Variants in ZNF460 observed in about 807,000 individuals in gnomAD.
The protein encoded by ZNF460 is zinc finger protein 272.
ZNF460 carries 1 observed loss-of-function variant against 8.4 expected under a neutral mutation model. That is an observed-to-expected ratio of 0.12 (90% CI 0.04 to 0.56). The LOEUF (loss-of-function observed/expected upper bound fraction) is 0.56. Among genes scored for constraint, ZNF460 ranks in the 20% least tolerant of loss-of-function variants. The pLI is 0.91. For synonymous variants in ZNF460, 262 were observed against 259.9 expected (o/e 1.01, Z -0.08); for missense variants, 477 against 714.8 (o/e 0.67, Z 3.79).
chr19:57,287,109 A>G (rs920055965), intron 2 of ZNF460, among the ~76,000 whole-genome samples: 8 of 152,182 alleles, frequency 5.3e-5, no homozygotes, highest in Non-Finnish European at 1.2e-4. Flanking sequence ...CTATTAGCTC[A>G]TATTTAGACT....
In ZNF460 at chr19:57,293,528, G is replaced by T. The variant is rs1279403399; in HGVS notation, c.*1298G>T. 6.6e-6 allele frequency: 1 copy of T among 151,954 alleles called. No individual in the cohort carries two copies. The highest frequency in any genetic ancestry group is 1.9e-4 in the East Asian group (1 of 5,204). 9.4% of individuals were successfully genotyped at this position (151,954 alleles called of 1,614,324 possible). ...TAATTGACAATGTTTATGGGGTTTG[G>T]TGTGATATTTCAATACATGTGTGCT... On this transcript the variant is annotated 3_prime_UTR_variant, in exon 3 of 3. Transcript: ENST00000360338.
intron 1 of ZNF460, among the ~76,000 whole-genome samples, chr19:57,282,535 CT>C (rs760798617): frequency 6.6e-6 from 1 of 152,214 alleles, no homozygotes; most frequent in Non-Finnish European, 1.5e-5. Context: ...ATGATGATGA[CT>C]ACACTTCTCT....
Position 57,291,424 on chromosome 19 carries a change from TTTGTC to T in ZNF460, c.887_891del (p.Val296AlafsTer2). 6.2e-7 allele frequency: 1 copy of T among 1,613,880 alleles called. No individual in the cohort carries two copies. Among genetic ancestry groups the T allele is most frequent in the Non-Finnish European group, 8.5e-7 (1 of 1,179,900 alleles). On this transcript the variant is annotated frameshift_variant, in exon 3 of 3. Coordinates refer to ENST00000360338, the MANE Select transcript of ZNF460 (RefSeq NM_006635.4). LOFTEE classifies it low-confidence loss of function (END_TRUNC). The surrounding 1 kb of genome is among the most constrained non-coding windows in gnomAD (Gnocchi z 8.4). ...AAAGGCCTTTACCTACCGCTCCAAT[TTTGTC>T]TTGCATAACAAGAGCCACAATGAGA... is the stretch of plus-strand genomic sequence containing the variant.
At chr19:57,284,188 G>A (rs1025948164) in intron 1 of ZNF460, among the ~76,000 whole-genome samples, 2 of 149,268 alleles carry the variant, frequency 1.3e-5, no homozygotes, top group African/African-American at 2.5e-5. Context: ...TCCTGCCTAG[G>A]AGGCTTTATT....
upstream of ZNF460, chr19:57,280,400 A>T (rs913619758): frequency 4.3e-5 from 10 of 234,172 alleles, no homozygotes; most frequent in Admixed American, 5.2e-4. Context: ...GACCCAGGAC[A>T]GGAGAGTTTT....
chr19:57,292,216 A>G lies in ZNF460; in HGVS notation c.1675A>G (p.Thr559Ala), dbSNP rs79856560. The G allele has an allele frequency of 5.8e-4, 940 of 1,610,836 alleles. 9 individuals carry two copies. In the African/African-American group the frequency reaches 0.011, roughly 19 times the overall value. ...CATCAACGGATTCATAGTGGAAGAA[A>G]CCCTACCATTGTAACAGATGTGGAA... ...LDINGFIVEE[T>A]LPL The change falls in exon 3 of 3, where the codon ACC becomes GCC. Residue 559 changes from threonine (T) to alanine (A), a missense_variant. Around this residue, in one of 5 missense-constraint regions of ZNF460, gnomAD observed 83 missense variants for 82.3 expected, o/e 1.01. Coordinates refer to ENST00000360338, the MANE Select transcript of ZNF460 (RefSeq NM_006635.4).
At position 57,291,294 on chromosome 19, in the gene ZNF460, C is replaced by G; in HGVS notation, c.753C>G (p.Pro251=). 1 of 1,613,782 alleles carries G rather than the reference C, an allele frequency of 6.2e-7. No homozygotes were observed. Among genetic ancestry groups the G allele is most frequent in the Non-Finnish European group, 8.5e-7 (1 of 1,179,954 alleles). The change falls in exon 3 of 3, where the codon CCC becomes CCG. Residue 251 remains proline (P), a synonymous_variant. Coordinates refer to ENST00000360338, the MANE Select transcript of ZNF460 (RefSeq NM_006635.4). This position sits in a 1 kb window ranked among gnomAD's most constrained non-coding sequence, Gnocchi z 8.4. Reference sequence around the variant, plus strand: ...AGCGGACTCACAATGGAGATAAGCCCTTTGTGTGCAGTGAATGTGGAAGGA... The same window carrying G: ...AGCGGACTCACAATGGAGATAAGCCGTTTGTGTGCAGTGAATGTGGAAGGA... ...RHQRTHNGDK[P]FVCSECGRTF...
rs763416091 is a variant in ZNF460, at chr19:57,291,116, G to T, written c.575G>T (p.Arg192Leu). The stretch of plus-strand genomic sequence containing the variant: ...GTTCAGCATGAGCAGATTCTCCCTC[G>T]TGTGAAGCCCTATGATTGCCCAGAA... ...FLVQHEQILP[R>L]VKPYDCPECG... Residue 192 changes from arginine (R) to leucine (L), a missense_variant, in exon 3 of 3, where the codon CGT becomes CTT. This residue lies in a region of ZNF460 where 169 missense variants were observed against 178.6 expected (regional missense o/e 0.95). Coordinates refer to ENST00000360338, the MANE Select transcript of ZNF460 (RefSeq NM_006635.4). This position sits in a 1 kb window ranked among gnomAD's most constrained non-coding sequence, Gnocchi z 8.4. 3 of 1,614,018 alleles carry T rather than the reference G, an allele frequency of 1.9e-6. No homozygotes were observed. The highest frequency in any genetic ancestry group is 1.3e-5 in the African/African-American group (1 of 74,904).
chr19:57,293,496 T>C lies in ZNF460; in HGVS notation c.*1266T>C, dbSNP rs1250296068. The C allele has an allele frequency of 1.3e-5, 2 of 152,232 alleles. No individual in the cohort carries two copies. The highest frequency in any genetic ancestry group is 1.9e-4 in the East Asian group (1 of 5,202). 9.4% of individuals were successfully genotyped at this position (152,232 alleles called of 1,614,324 possible). A position where few individuals can be genotyped will look rare whatever the true frequency, so the allele number is the denominator to read the frequency against. ...TTTGGTATTCTTTTTGTTTCTTTTA[T>C]TGTTTTTAATTGACAATGTTTATGG... On this transcript the variant is annotated 3_prime_UTR_variant, in exon 3 of 3. Coordinates refer to ENST00000360338, the MANE Select transcript of ZNF460 (RefSeq NM_006635.4).
At position 57,280,551 on chromosome 19, in the gene ZNF460, A is replaced by G. The variant is rs2087829517; in HGVS notation, c.-256A>G. The G allele has an allele frequency of 3.5e-6, 2 of 563,692 alleles. No individual in the cohort carries two copies. Among genetic ancestry groups the G allele is most frequent in the Non-Finnish European group, 3.2e-6 (1 of 315,454 alleles). 34.9% of individuals were successfully genotyped at this position (563,692 alleles called of 1,614,324 possible). A position where few individuals can be genotyped will look rare whatever the true frequency, so the allele number is the denominator to read the frequency against. On this transcript the variant is annotated 5_prime_UTR_variant, in exon 1 of 3. Transcript: ENST00000360338. Reference sequence around the variant, plus strand: ...CGGCCTGAGCAGGGACGGGTAGTGAAGCGGTTACGCCCCTTCTTCGCGTCT... The same window carrying G: ...CGGCCTGAGCAGGGACGGGTAGTGAGGCGGTTACGCCCCTTCTTCGCGTCT...
At chr19:57,284,813 ATT>A (rs755694218) in intron 2 of ZNF460, 136 bp downstream of exon 2, 15,119 of 621,528 alleles carry the variant, frequency 0.024, no homozygotes, top group East Asian at 0.039. Context: ...GCTTTACTCT[ATT>A]TTTTTTTTTT....
chr19:57,281,088 T>G (rs2087835378), intron 1 of ZNF460, among the ~76,000 whole-genome samples: 1 of 152,130 alleles, frequency 6.6e-6, no homozygotes, highest in Non-Finnish European at 1.5e-5. Context: ...AATCCAACCT[T>G]CTCTGTTGCC....
In ZNF460 at chr19:57,286,186, G is replaced by A. The variant is rs990789555; in HGVS notation, c.157+1509G>A. 7.2e-5 allele frequency among the ~76,000 whole-genome samples: 11 copies of A among 152,292 alleles called. No homozygotes were observed. In the East Asian group the frequency reaches 1.3e-3, roughly 19 times the overall value. ...AATGTTTGTGGCAACCCTGAATTGA[G>A]CAAGTCTGTCCCGCACCATTTTTCC... On this transcript the variant is annotated intron_variant, in intron 2 of 2. Coordinates refer to ENST00000360338, the MANE Select transcript of ZNF460 (RefSeq NM_006635.4).
Position 57,291,438 on chromosome 19 carries a change from CAA to C in ZNF460, c.898_899del (p.Lys300GlufsTer4). The C allele has an allele frequency of 1.2e-6, 2 of 1,613,770 alleles. No individual in the cohort carries two copies. The highest frequency in any genetic ancestry group is 1.7e-6 in the Non-Finnish European group (2 of 1,179,912). On this transcript the variant is annotated frameshift_variant, in exon 3 of 3. Coordinates refer to ENST00000360338, the MANE Select transcript of ZNF460 (RefSeq NM_006635.4). LOFTEE classifies it low-confidence loss of function (END_TRUNC). The surrounding 1 kb of genome is among the most constrained non-coding windows in gnomAD (Gnocchi z 8.4). ...TYRSNFVLHN[K>X]SHNEKKPFAC... is the part of the protein sequence containing the mutation. The stretch of plus-strand genomic sequence containing the variant: ...ACCGCTCCAATTTTGTCTTGCATAA[CAA>C]GAGCCACAATGAGAAGAAACCCTTC...
Position 57,292,209 on chromosome 19 carries a change from G to A in ZNF460, c.1668G>A (p.Val556=), listed in dbSNP as rs202181330. The part of the protein sequence containing the change: ...SSSLDINGFI[V]EETLPL ...CACTCGACATCAACGGATTCATAGT[G>A]GAAGAAACCCTACCATTGTAACAGA... The change falls in exon 3 of 3, where the codon GTG becomes GTA. Residue 556 remains valine, a synonymous_variant. Coordinates refer to ENST00000360338, the MANE Select transcript of ZNF460 (RefSeq NM_006635.4). 1.2e-6 allele frequency: 2 copies of A among 1,611,994 alleles called. No individual in the cohort carries two copies. Among genetic ancestry groups the A allele is most frequent in the Non-Finnish European group, 1.7e-6 (2 of 1,178,340 alleles).
At position 57,293,759 on chromosome 19, in the gene ZNF460, C is replaced by A. The variant is rs191240759; in HGVS notation, c.*1529C>A. 6 of 152,180 alleles carry A rather than the reference C, an allele frequency of 3.9e-5. No homozygotes were observed. Among genetic ancestry groups the A allele is most frequent in the Non-Finnish European group, 8.8e-5 (6 of 68,020 alleles). 9.4% of individuals were successfully genotyped at this position (152,180 alleles called of 1,614,324 possible). A position where few individuals can be genotyped will look rare whatever the true frequency, so the allele number is the denominator to read the frequency against. On this transcript the variant is annotated 3_prime_UTR_variant, in exon 3 of 3. Coordinates refer to ENST00000360338, the MANE Select transcript of ZNF460 (RefSeq NM_006635.4). ...CTTGCTGTAATTTTGTATTTGTTAA[C>A]CAATCTCTATCTGCCTCTCTGCTGT...
chr19:57,291,788 G>T lies in ZNF460; in HGVS notation c.1247G>T (p.Gly416Val), dbSNP rs2087919788. Residue 416 changes from glycine (G) to valine (V), a missense_variant, in exon 3 of 3, where the codon GGA (glycine) becomes GTA (valine). Coordinates refer to ENST00000360338, the MANE Select transcript of ZNF460 (RefSeq NM_006635.4). This position sits in a 1 kb window ranked among gnomAD's most constrained non-coding sequence, Gnocchi z 8.4. ...DLIRHFNIHT[G>V]EKPYECLQCG... ...ATTCGACACTTCAACATCCACACTG[G>T]AGAGAAGCCCTATGAGTGTTTACAG... The T allele has an allele frequency of 6.2e-7, 1 of 1,614,158 alleles. No individual in the cohort carries two copies. Among genetic ancestry groups the T allele is most frequent in the Non-Finnish European group, 8.5e-7 (1 of 1,180,022 alleles).
At chr19:57,281,213 T>C (rs1373643326) in intron 1 of ZNF460, among the ~76,000 whole-genome samples, 3 of 152,170 alleles carry the variant, frequency 2.0e-5, no homozygotes, top group African/African-American at 4.8e-5. Context: ...CCTCTTCCAT[T>C]TTCCAGGCTT....
chr19:57,292,426 T>C lies in ZNF460; in HGVS notation c.*196T>C, dbSNP rs763841073. 1.7e-5 allele frequency: 10 copies of C among 595,524 alleles called. No homozygotes were observed. The highest frequency in any genetic ancestry group is 5.7e-5 in the East Asian group (2 of 35,296). 36.9% of individuals were successfully genotyped at this position (595,524 alleles called of 1,614,324 possible). ...ACCTGTTTTAGATCATCATTTGTCATCTAAACAATTATGTTAGAAATTGAC... is the reference window on the plus strand; with the variant it reads ...ACCTGTTTTAGATCATCATTTGTCACCTAAACAATTATGTTAGAAATTGAC... On this transcript the variant is annotated 3_prime_UTR_variant, in exon 3 of 3. Coordinates refer to ENST00000360338, the MANE Select transcript of ZNF460 (RefSeq NM_006635.4).
Sources: gnomAD v4.1 joint callset for allele counts (sites outside exome capture counted in the v4.1 genomes callset) on GRCh38, gnomAD v4.1.1 for gene constraint, gnomAD v4.1.1 regional missense constraint, Gnocchi (gnomAD v3.1) non-coding constraint, MANE v1.5 for transcripts, NCBI Gene and HGNC (gene_info 2026-07-23, HGNC 2026-07-21) for gene names.